The following WWOX variants were observed in gnomAD, a reference collection of about 807,000 sequenced individuals.
The protein encoded by WWOX is WW domain-containing oxidoreductase.
In WWOX, 69 loss-of-function variants were observed where a neutral mutation model predicts 46.2. The observed-to-expected ratio is 1.49, with a 90% CI of 1.23 to 1.82. The LOEUF is 1.82. Ranked by LOEUF, WWOX falls within the 40% of genes most tolerant of loss-of-function variation. The pLI is 0.00. For missense variants in WWOX, 919 were observed against 542.6 expected, an observed-to-expected ratio of 1.69 and a Z score of -6.89; for synonymous variants, 359 against 202.6, an observed-to-expected ratio of 1.77 and a Z score of -6.56.
intron 8 of WWOX, among the ~76,000 whole-genome samples, chr16:78,961,902 C>A (rs1485989157): frequency 6.6e-6 from 1 of 152,256 alleles, no homozygotes; most frequent in South Asian, 2.1e-4. Context: ...CATCCAAGAC[C>A]TATTGCCTTC....
At chr16:78,362,952 G>C (rs1016357868) in intron 5 of WWOX, among the ~76,000 whole-genome samples, 1 of 152,154 alleles carries the variant, frequency 6.6e-6, no homozygotes, top group African/African-American at 2.4e-5. Context: ...AGTGTCCAGA[G>C]GAAGGCCTCT....
chr16:78,953,308 G>T (rs1019916004), intron 8 of WWOX, among the ~76,000 whole-genome samples: 6 of 151,654 alleles, frequency 4.0e-5, no homozygotes, highest in African/African-American at 7.3e-5. Flanking sequence ...AGTGGGGGGT[G>T]GGGGGCATGT....
rs1481887587 is a variant in WWOX, at chr16:78,953,626, G to C, written c.1057-257982G>C. Among the ~76,000 whole-genome samples, 3 of 152,124 alleles carry C rather than the reference G, an allele frequency of 2.0e-5. No homozygotes were observed. In the East Asian group the frequency reaches 5.8e-4, roughly 29 times the overall value. On this transcript the variant is annotated intron_variant, in intron 8 of 8. Coordinates refer to ENST00000566780, the MANE Select transcript of WWOX (RefSeq NM_016373.4). Reference sequence around the variant, plus strand: ...CCTCAATGCCCAGCTCAGCCCAGTGGGTACCGTACTTCAAAACCTCTTATT... The same window carrying C: ...CCTCAATGCCCAGCTCAGCCCAGTGCGTACCGTACTTCAAAACCTCTTATT...
chr16:78,730,812 C>T (rs2048953035), intron 8 of WWOX, among the ~76,000 whole-genome samples: 1 of 151,946 alleles, frequency 6.6e-6, no homozygotes, highest in Non-Finnish European at 1.5e-5. Flanking sequence ...TCTCTTGTGG[C>T]TTATCACTTG....
At chr16:79,032,372 AAT>A (rs909734464) in intron 8 of WWOX, among the ~76,000 whole-genome samples, 2 of 145,876 alleles carry the variant, frequency 1.4e-5, no homozygotes, top group Non-Finnish European at 3.0e-5. Context: ...TGTAATATAT[AAT>A]ATATTCTATG....
intron 5 of WWOX, among the ~76,000 whole-genome samples, chr16:78,263,787 A>T (rs746984307): frequency 6.6e-6 from 1 of 152,148 alleles, no homozygotes; most frequent in African/African-American, 2.4e-5. Context: ...TAGAAAGGAT[A>T]TCAGTTTTCC....
intron 8 of WWOX, among the ~76,000 whole-genome samples, chr16:79,045,121 A>G (rs1361024454): frequency 6.6e-6 from 1 of 152,208 alleles, no homozygotes; most frequent in Admixed American, 6.5e-5. Flanking sequence ...TCGTTCATTC[A>G]TTTATTCTTT....
At chr16:78,550,742 A>G (rs377706545) in intron 8 of WWOX, 8 of 152,160 alleles carry the variant, frequency 5.3e-5, no homozygotes, top group African/African-American at 1.4e-4. Context: ...AAGGCGGGAA[A>G]GAGCTAGCTT....
chr16:78,873,797 T>C (rs1239986525), intron 8 of WWOX, among the ~76,000 whole-genome samples: 2 of 151,942 alleles, frequency 1.3e-5, no homozygotes, highest in Non-Finnish European at 2.9e-5. Flanking sequence ...AAAAAGTAAA[T>C]AAAATAGTAA....
At chr16:78,567,497 G>A (rs2044599592) in intron 8 of WWOX, among the ~76,000 whole-genome samples, 2 of 140,756 alleles carry the variant, frequency 1.4e-5, no homozygotes, top group African/African-American at 5.5e-5. Flanking sequence ...AGCTTGCAGT[G>A]AGCAGAGATT....
intron 7 of WWOX, among the ~76,000 whole-genome samples, chr16:78,429,151 A>G (rs1055199645): frequency 6.6e-6 from 1 of 152,204 alleles, no homozygotes; most frequent in Admixed American, 6.5e-5. Flanking sequence ...ACTTTCCAAG[A>G]ATTCACAGTC....
chr16:78,204,079 GCA>G (rs1758034963), intron 5 of WWOX, among the ~76,000 whole-genome samples: 1 of 152,202 alleles, frequency 6.6e-6, no homozygotes, highest in Non-Finnish European at 1.5e-5. Context: ...GGTGGTGAGG[GCA>G]CAGTCTGCCC....
At chr16:79,045,407 A>C (rs952978834) in intron 8 of WWOX, among the ~76,000 whole-genome samples, 5 of 152,140 alleles carry the variant, frequency 3.3e-5, no homozygotes. Context: ...CACTCCAGAG[A>C]GATGTACATC....
intron 8 of WWOX, among the ~76,000 whole-genome samples, chr16:78,617,046 A>G (rs764848377): frequency 1.3e-5 from 2 of 152,188 alleles, no homozygotes; most frequent in East Asian, 1.9e-4. Flanking sequence ...TGCATCTCTA[A>G]CATGCACATG....
At chr16:78,767,126 C>G (rs139165354) in intron 8 of WWOX, among the ~76,000 whole-genome samples, 2 of 138,744 alleles carry the variant, frequency 1.4e-5, no homozygotes, top group Non-Finnish European at 3.1e-5. Context: ...TCTTTCCTTC[C>G]TTCCTTCCAT....
chr16:78,931,050 G>T (rs1370079649), intron 8 of WWOX, among the ~76,000 whole-genome samples: 2 of 152,156 alleles, frequency 1.3e-5, no homozygotes, highest in African/African-American at 4.8e-5. Flanking sequence ...CATGAGAAAT[G>T]CACATGAAAT....
intron 8 of WWOX, among the ~76,000 whole-genome samples, chr16:78,629,259 G>A (rs1462428668): frequency 6.6e-6 from 1 of 151,222 alleles, no homozygotes; most frequent in Non-Finnish European, 1.5e-5. Context: ...CCTCTGCAAG[G>A]GATGGGGTCA....
intron 1 of WWOX, chr16:78,100,237 G>C: frequency 8.8e-7 from 1 of 1,134,656 alleles, no homozygotes. Context: ...GGGTTGCAGG[G>C]ATAGGAGTTT....
chr16:78,459,014 A>G (rs922323330), intron 8 of WWOX, among the ~76,000 whole-genome samples: 1 of 152,204 alleles, frequency 6.6e-6, no homozygotes, highest in African/African-American at 2.4e-5. Context: ...ATTAATTACA[A>G]CCTAGAGGGA....
Sources: gnomAD v4.1 joint callset for allele counts (sites outside exome capture counted in the v4.1 genomes callset) on GRCh38, gnomAD v4.1.1 for gene constraint, MANE v1.5 for transcripts, NCBI Gene and HGNC (gene_info 2026-07-23, HGNC 2026-07-21) for gene names.